The following CTR9 variants were observed in gnomAD, a reference collection of about 807,000 sequenced individuals.
CTR9 encodes CTR9 component of Paf1/RNA polymerase II complex.
CTR9 carries 41 observed loss-of-function variants against 152.1 expected under a neutral mutation model. The ratio of observed to expected loss-of-function variants is 0.27; its 90% CI spans 0.21 to 0.35. The LOEUF is 0.35. Among genes scored for constraint, CTR9 ranks in the 10% least tolerant of loss-of-function variants. CTR9 has a pLI of 1.00. For missense variants in CTR9, 917 were observed against 1,424.4 expected, an observed-to-expected ratio of 0.64 and a Z score of 5.73; for synonymous variants, 476 against 496.2, an observed-to-expected ratio of 0.96 and a Z score of 0.54.
rs1863028363 is a variant in CTR9 at position 10,764,491 on chromosome 11, C to G, written c.1413+55C>G. 1.9e-6 allele frequency: 3 copies of G among 1,604,110 alleles called. No homozygotes were observed. The Admixed American group carries it at 5.1e-5, about 28-fold the overall frequency. On this transcript the variant is annotated intron_variant, in intron 11 of 24. Coordinates refer to ENST00000361367, the MANE Select transcript of CTR9 (RefSeq NM_014633.5). ...ATACTGAATCAAGTTGCATGCACACCTTTTTAAAAAGTGTATAAACTAAAT... is the reference window on the plus strand; with the variant it reads ...ATACTGAATCAAGTTGCATGCACACGTTTTTAAAAAGTGTATAAACTAAAT...
intron 23 of CTR9, 63 bp from the exon 24 acceptor site, chr11:10,775,458 C>T (rs1206492912): frequency 1.4e-6 from 2 of 1,456,230 alleles, no homozygotes; most frequent in African/African-American, 2.8e-5. Context: ...AATGCAAACC[C>T]AATTTAACAA....
chr11:10,760,125 C>T, intron 5 of CTR9, 48 bp from the exon 6 acceptor site: 1 of 1,590,484 alleles, frequency 6.3e-7, no homozygotes, highest in Non-Finnish European at 8.6e-7. Context: ...TGTAATTGAA[C>T]TCTAAAAAAT....
intron 20 of CTR9, 85 bp from the exon 21 acceptor site, chr11:10,773,042 A>AT: frequency 6.8e-7 from 1 of 1,462,332 alleles, no homozygotes; most frequent in African/African-American, 1.4e-5. Flanking sequence ...AAAAAAAAAA[A>AT]TCCTCTGCTT....
intron 5 of CTR9, among the ~76,000 whole-genome samples, chr11:10,758,145 G>C (rs886586108): frequency 1.2e-4 from 19 of 152,216 alleles, no homozygotes; most frequent in African/African-American, 4.6e-4. Flanking sequence ...ATCACGTAGG[G>C]CATCACAGAT....
chr11:10,758,383 G>GT (rs1862920592), intron 5 of CTR9, among the ~76,000 whole-genome samples: 3 of 152,282 alleles, frequency 2.0e-5, no homozygotes, highest in South Asian at 4.1e-4. Flanking sequence ...CACTAGGGAG[G>GT]TAATAGTGGA....
chr11:10,761,354 T>C (rs1862973905), intron 6 of CTR9, among the ~76,000 whole-genome samples: 1 of 109,518 alleles, frequency 9.1e-6, no homozygotes, highest in Admixed American at 1.1e-4. Context: ...GGCTACAAAA[T>C]CTGGATTCTG....
chr11:10,751,486 G>T, intron 1 of CTR9, 29 bp downstream of exon 1: 1 of 1,610,684 alleles, frequency 6.2e-7, no homozygotes, highest in Non-Finnish European at 8.5e-7. Context: ...GGCGGGTGGG[G>T]GCCATGAACT....
In CTR9 at chr11:10,760,265, T is replaced by G. The variant is rs1344527355; in HGVS notation, c.685T>G (p.Ser229Ala). Reference sequence around the variant, plus strand: ...ATTCAGCAGAGCCCTGGAACTCAATTCCAAATGCGTGGGAGCATTGGTTGG... The same window carrying G: ...ATTCAGCAGAGCCCTGGAACTCAATGCCAAATGCGTGGGAGCATTGGTTGG... The part of the protein sequence containing the change: ...LAFSRALELN[S>A]KCVGALVGLA... The change falls in exon 6 of 25, where the codon TCC becomes GCC. Residue 229 changes from serine (S) to alanine (A), a missense_variant. By Grantham distance (99) the Ser-to-Ala change is moderately conservative. Coordinates refer to ENST00000361367, the MANE Select transcript of CTR9 (RefSeq NM_014633.5). 1 of 1,614,070 alleles carries G rather than the reference T, an allele frequency of 6.2e-7. No individual in the cohort carries two copies.
intron 7 of CTR9, among the ~76,000 whole-genome samples, chr11:10,762,455 T>A (rs1209871723): frequency 6.6e-6 from 1 of 152,220 alleles, no homozygotes; most frequent in East Asian, 1.9e-4. Context: ...GCAGAGCTTT[T>A]GAACTAGGTT....
Position 10,764,173 on chromosome 11 carries a change from C to T in CTR9, c.1256C>T (p.Ala419Val). The T allele has an allele frequency of 6.2e-7, 1 of 1,614,134 alleles. No individual in the cohort carries two copies. The highest frequency in any genetic ancestry group is 8.5e-7 in the Non-Finnish European group (1 of 1,179,980). The stretch of plus-strand genomic sequence containing the variant: ...GATGTTGAAGCTTGGATTGAATTGG[C>T]ACAAATCTTAGAACAGACTGATATA... ...PDDVEAWIEL[A>V]QILEQTDIQG... is the part of the protein sequence containing the mutation. The change falls in exon 10 of 25, where the codon GCA becomes GTA. Residue 419 changes from alanine (A) to valine (V), a missense_variant. Ala to Val is a moderately conservative substitution (Grantham distance 64). This residue lies in a region of CTR9 where 133 missense variants were observed against 244.1 expected (regional missense o/e 0.54). Coordinates refer to ENST00000361367, the MANE Select transcript of CTR9 (RefSeq NM_014633.5).
rs780732032 is a variant in CTR9, at chr11:10,779,116, A to G, written c.*11A>G. Reference sequence around the variant, plus strand: ...GATGATAGTGACTAGGTTTTATTTCATCAATAAGCTTCATCTCTGGAGGAA... The same window carrying G: ...GATGATAGTGACTAGGTTTTATTTCGTCAATAAGCTTCATCTCTGGAGGAA... On this transcript the variant is annotated 3_prime_UTR_variant, in exon 25 of 25. Coordinates refer to ENST00000361367, the MANE Select transcript of CTR9 (RefSeq NM_014633.5). 1 of 1,582,246 alleles carries G rather than the reference A, an allele frequency of 6.3e-7. No individual in the cohort carries two copies. Among genetic ancestry groups the G allele is most frequent in the South Asian group, 1.1e-5 (1 of 87,754 alleles).
At position 10,752,773 on chromosome 11, in the gene CTR9, C is replaced by T. The variant is rs1862825465; in HGVS notation, c.144+3C>T. 3 of 1,608,238 alleles carry T rather than the reference C, an allele frequency of 1.9e-6. No homozygotes were observed. In the South Asian group the frequency reaches 3.3e-5, roughly 18 times the overall value. On this transcript the variant is annotated splice_donor_region_variant and intron_variant, in intron 2 of 24. Coordinates refer to ENST00000361367, the MANE Select transcript of CTR9 (RefSeq NM_014633.5). ...TGCACATATGGATTGCTTTGGCGGT[C>T]AGTATTCATGTAGCAAATATTTTTT...
At chr11:10,774,392 A>G (rs528890872) in intron 22 of CTR9, 45 of 384,226 alleles carry the variant, frequency 1.2e-4, no homozygotes, top group African/African-American at 8.2e-4. Context: ...TAAGCGCTGC[A>G]AGTTAGTCAT....
chr11:10,754,459 T>C (rs1477640231), intron 2 of CTR9, among the ~76,000 whole-genome samples: 3 of 152,200 alleles, frequency 2.0e-5, no homozygotes, highest in African/African-American at 7.2e-5. Context: ...TATTTGACAT[T>C]TACCATTTGA....
rs1863143993 is a variant in CTR9 at position 10,771,596 on chromosome 11, C to G, written c.2424C>G (p.Ala808=). The change falls in exon 19 of 25, where the codon GCC becomes GCG. Residue 808 remains alanine (A), a synonymous_variant. Transcript: ENST00000361367. ...GAGATAAAATGAGATTTGATTTGGC[C>G]CTTGCTGCTACAGAAGCCAGGTAAT... ...KVGDKMRFDL[A]LAATEARQCS... is the part of the protein sequence containing the mutation. 1 of 1,612,220 alleles carries G rather than the reference C, an allele frequency of 6.2e-7. No homozygotes were observed. The highest frequency in any genetic ancestry group is 1.3e-5 in the African/African-American group (1 of 74,894).
chr11:10,770,091 C>T, intron 16 of CTR9, 119 bp from the exon 17 acceptor site: 1 of 580,232 alleles, frequency 1.7e-6, no homozygotes, highest in South Asian at 2.8e-5. Context: ...TGAAATTAAC[C>T]ATTCAAAGGG....
At chr11:10,773,045 C>A (rs1426200889) in intron 20 of CTR9, 82 bp from the exon 21 acceptor site, 10 of 1,478,062 alleles carry the variant, frequency 6.8e-6, no homozygotes, top group Non-Finnish European at 9.1e-6. Flanking sequence ...AAAAAAAATC[C>A]TCTGCTTAGG....
Position 10,764,313 on chromosome 11 carries a change from C to G in CTR9, c.1290C>G (p.Ala430=). 1 of 1,613,980 alleles carries G rather than the reference C, an allele frequency of 6.2e-7. No individual in the cohort carries two copies. Among genetic ancestry groups the G allele is most frequent in the Non-Finnish European group, 8.5e-7 (1 of 1,179,984 alleles). The change falls in exon 11 of 25, where the codon GCC becomes GCG. Residue 430 remains alanine (A), a synonymous_variant. Transcript: ENST00000361367. ...QILEQTDIQG[A]LSAYGTATRI... Reference sequence around the variant, plus strand: ...TGTCAATCATGAAAATACAGGGTGCCCTTTCAGCCTATGGAACAGCAACAC... The same window carrying G: ...TGTCAATCATGAAAATACAGGGTGCGCTTTCAGCCTATGGAACAGCAACAC...
intron 5 of CTR9, among the ~76,000 whole-genome samples, chr11:10,757,818 T>C (rs1862910405): frequency 6.6e-6 from 1 of 151,856 alleles, no homozygotes; most frequent in Admixed American, 6.6e-5. Flanking sequence ...AAGCTACCAG[T>C]AAGAGCCAAG....
Sources: gnomAD v4.1 joint callset for allele counts (sites outside exome capture counted in the v4.1 genomes callset) on GRCh38, gnomAD v4.1.1 for gene constraint, gnomAD v4.1.1 regional missense constraint, MANE v1.5 for transcripts, NCBI Gene and HGNC (gene_info 2026-07-23, HGNC 2026-07-21) for gene names.